ITGA8: variants seen among roughly 807,000 people sequenced by gnomAD.
ITGA8 encodes the protein integrin subunit alpha 8.
ITGA8 carries 91 observed loss-of-function variants against 142.3 expected under a neutral mutation model. That is an observed-to-expected ratio of 0.64 (90% CI 0.54 to 0.76). ITGA8 has a LOEUF of 0.76. Among genes scored for constraint, ITGA8 ranks in the 30% least tolerant of loss-of-function variants. The pLI is 0.00. For missense variants in ITGA8, 1,406 were observed against 1,327.7 expected (o/e 1.06, Z -0.92); for synonymous variants, 505 against 485.2 (o/e 1.04, Z -0.54).
At chr10:15,657,296 A>G (rs931277713) in intron 10 of ITGA8, among the ~76,000 whole-genome samples, 1 of 152,154 alleles carries the variant, frequency 6.6e-6, no homozygotes, top group African/African-American at 2.4e-5. Flanking sequence ...AATTACCACC[A>G]CTTAGGAATA....
chr10:15,527,885 A>T, intron 28 of ITGA8, among the ~76,000 whole-genome samples: 1 of 147,828 alleles, frequency 6.8e-6, no homozygotes, highest in Non-Finnish European at 1.5e-5. Flanking sequence ...ACCACCTTAA[A>T]GCAATTCCCT....
At chr10:15,520,880 G>A (rs907135436) in intron 28 of ITGA8, among the ~76,000 whole-genome samples, 1 of 152,182 alleles carries the variant, frequency 6.6e-6, no homozygotes, top group African/African-American at 2.4e-5. Context: ...CACCCGTCAG[G>A]AGAGGCTGAG....
Position 15,646,847 on chromosome 10 carries a change from A to T in ITGA8, c.1206T>A (p.Asn402Lys). The change falls in exon 12 of 30, where the codon AAT becomes AAA. Residue 402 changes from asparagine to lysine, a missense_variant and splice_region_variant. Asn to Lys is a moderately conservative substitution (Grantham distance 94). Coordinates refer to ENST00000378076, the MANE Select transcript of ITGA8 (RefSeq NM_003638.3). ...HLGDLNQDGY[N>K]DIAIGVPFAG... The stretch of plus-strand genomic sequence containing the variant: ...CTTCCACGCTTTGGTTTAAATTACC[A>T]TTGTATCCATCTTGGTTCAGGTCTC... The T allele has an allele frequency of 6.2e-7, 1 of 1,613,138 alleles. No homozygotes were observed. Among genetic ancestry groups the T allele is most frequent in the Non-Finnish European group, 8.5e-7 (1 of 1,179,300 alleles).
chr10:15,705,125 T>C (rs559241902), intron 2 of ITGA8, among the ~76,000 whole-genome samples: 41 of 152,304 alleles, frequency 2.7e-4, no homozygotes, highest in Non-Finnish European at 3.7e-4. Context: ...GAAATTATTC[T>C]ATGGGAGATC....
chr10:15,658,849 C>T (rs988499917), intron 10 of ITGA8, 150 bp downstream of exon 10: 5 of 587,408 alleles, frequency 8.5e-6, no homozygotes, highest in Non-Finnish European at 1.5e-5. Flanking sequence ...CTGTCTGATG[C>T]ATGATTGCAT....
intron 25 of ITGA8, among the ~76,000 whole-genome samples, chr10:15,561,961 G>A (rs1379516691): frequency 6.6e-6 from 1 of 152,178 alleles, no homozygotes; most frequent in Non-Finnish European, 1.5e-5. Context: ...GCAGGAGGGA[G>A]AATGAACAGG....
intron 2 of ITGA8, among the ~76,000 whole-genome samples, chr10:15,697,213 C>T (rs1422495900): frequency 6.6e-6 from 1 of 152,094 alleles, no homozygotes; most frequent in Non-Finnish European, 1.5e-5. Context: ...TTTGTATGCA[C>T]TGATACAGAA....
chr10:15,604,545 T>C lies in ITGA8; in HGVS notation c.1971-190A>G, dbSNP rs543429434. On this transcript the variant is annotated intron_variant, in intron 19 of 29. Transcript: ENST00000378076. The stretch of plus-strand genomic sequence containing the variant: ...GTAAAAAGGGCAGGAAAACACCCAG[T>C]AGTGTGTTGGTAAATGTTTAACAAC... 3.3e-4 allele frequency among the ~76,000 whole-genome samples: 45 copies of C among 135,028 alleles called. No homozygotes were observed. The South Asian group carries it at 9.9e-3, about 30-fold the overall frequency. The allele number at this position is 135,028 out of a possible 152,430, so 88.6% of individuals were successfully genotyped here. A position where few individuals can be genotyped will look rare whatever the true frequency, so the allele number is the denominator to read the frequency against.
At chr10:15,615,864 C>T (rs1423683508) in intron 14 of ITGA8, among the ~76,000 whole-genome samples, 1 of 152,166 alleles carries the variant, frequency 6.6e-6, no homozygotes, top group Non-Finnish European at 1.5e-5. Flanking sequence ...ACCTCTCTCC[C>T]AGTTACTATT....
At chr10:15,530,377 C>A (rs910297067) in intron 28 of ITGA8, among the ~76,000 whole-genome samples, 1 of 151,914 alleles carries the variant, frequency 6.6e-6, no homozygotes, top group African/African-American at 2.4e-5. Flanking sequence ...GAAACCCTGT[C>A]TCTATGAAAA....
intron 13 of ITGA8, among the ~76,000 whole-genome samples, chr10:15,632,389 GA>G (rs1442575952): frequency 6.6e-6 from 1 of 152,120 alleles, no homozygotes; most frequent in Non-Finnish European, 1.5e-5. Context: ...TCTAAAGCTG[GA>G]AAAAAGTCAG....
intron 27 of ITGA8, among the ~76,000 whole-genome samples, chr10:15,534,433 A>G (rs141445368): frequency 8.3e-4 from 126 of 152,352 alleles, no homozygotes; most frequent in African/African-American, 2.9e-3. Context: ...TAATGTCTAT[A>G]TCTTCTACAG....
intron 3 of ITGA8, among the ~76,000 whole-genome samples, chr10:15,685,786 A>G (rs1588723195): frequency 6.6e-6 from 1 of 152,206 alleles, no homozygotes; most frequent in East Asian, 1.9e-4. Context: ...CGGCAAAAAT[A>G]AATTGAAACA....
At chr10:15,697,196 CAT>C (rs1564414071) in intron 2 of ITGA8, among the ~76,000 whole-genome samples, 3 of 152,114 alleles carry the variant, frequency 2.0e-5, no homozygotes, top group Admixed American at 6.5e-5. Flanking sequence ...CTGTTATACA[CAT>C]ATGATTTGTA....
At chr10:15,635,918 T>TACGCAC (rs1833764202) in intron 13 of ITGA8, among the ~76,000 whole-genome samples, 2 of 143,044 alleles carry the variant, frequency 1.4e-5, no homozygotes, top group Admixed American at 1.4e-4. Flanking sequence ...TTGCTTATAC[T>TACGCAC]ACACACACAC....
intron 28 of ITGA8, among the ~76,000 whole-genome samples, chr10:15,521,340 C>A (rs1231333963): frequency 1.3e-5 from 2 of 152,026 alleles, no homozygotes; most frequent in Admixed American, 6.6e-5. Flanking sequence ...GTCTTCTTAA[C>A]TAGAGTTGAG....
intron 15 of ITGA8, among the ~76,000 whole-genome samples, chr10:15,612,966 G>A (rs1319770542): frequency 6.6e-6 from 1 of 152,174 alleles, no homozygotes; most frequent in Admixed American, 6.5e-5. Context: ...TTCGAGACCA[G>A]CCTGACTAAC....
At chr10:15,534,514 G>A (rs1398853302) in intron 27 of ITGA8, among the ~76,000 whole-genome samples, 1 of 152,200 alleles carries the variant, frequency 6.6e-6, no homozygotes, top group Non-Finnish European at 1.5e-5. Context: ...AATGAAGGGT[G>A]AATGAACACA....
At chr10:15,536,128 G>T (rs764568002) in intron 27 of ITGA8, among the ~76,000 whole-genome samples, 2 of 152,088 alleles carry the variant, frequency 1.3e-5, no homozygotes, top group South Asian at 4.1e-4. Context: ...AACACTCATC[G>T]CGAGGGTCTG....
Sources: allele counts gnomAD v4.1 joint callset (sites outside exome capture counted in the v4.1 genomes callset), GRCh38; gene constraint gnomAD v4.1.1; transcripts MANE v1.5; gene names NCBI Gene and HGNC (gene_info 2026-07-23, HGNC 2026-07-21).